Variants in GRPR observed in about 807,000 individuals in gnomAD.
GRPR encodes the protein gastrin-releasing peptide receptor.
A neutral mutation model predicts 15.6 loss-of-function variants in GRPR; 4 were observed. That is an observed-to-expected ratio of 0.26 (90% CI 0.13 to 0.59). GRPR has a LOEUF of 0.59. Ranked by LOEUF, GRPR falls within the 20% of genes least tolerant of loss-of-function variation. GRPR has a pLI of 0.90. For missense variants in GRPR, 270 were observed against 304.1 expected, an observed-to-expected ratio of 0.89 and a Z score of 0.83; for synonymous variants, 128 against 126.8, an observed-to-expected ratio of 1.01 and a Z score of -0.06.
rs549491297 is a variant in GRPR, at chrX:16,131,773, T to A, written c.413+7407T>A. Among the ~76,000 whole-genome samples the A allele has an allele frequency of 3.9e-4, 44 of 112,422 alleles. 1 individual carries two copies. In the South Asian group the frequency reaches 0.016, roughly 42 times the overall value. The stretch of plus-strand genomic sequence containing the variant: ...CATTTCTTTTTATTGCTGAGAAGGA[T>A]TCCATTGTATGGATATTCCACATTT... On this transcript the variant is annotated intron_variant, in intron 1 of 2. Transcript: ENST00000380289.
rs1246452682 is a variant in GRPR at position 16,152,272 on chromosome X, G to A, written c.782G>A (p.Arg261Gln). 8 of 1,205,653 alleles carry A rather than the reference G, an allele frequency of 6.6e-6. No homozygotes were observed. Among genetic ancestry groups the A allele is most frequent in the Admixed American group, 2.2e-5 (1 of 45,660 alleles). ...HVKKQIESRKRLAKTVLVFVG... is the reference protein window; with the variant it reads ...HVKKQIESRKQLAKTVLVFVG... The stretch of plus-strand genomic sequence containing the variant: ...TCTCCTTAGATTGAATCCCGGAAGC[G>A]ACTTGCCAAGACAGTGCTGGTGTTT... The change falls in exon 3 of 3, where the codon CGA becomes CAA. Residue 261 changes from arginine (R) to glutamine (Q), a missense_variant. Transcript: ENST00000380289.
intron 1 of GRPR, among the ~76,000 whole-genome samples, chrX:16,142,755 C>A (rs1421992048): frequency 9.0e-6 from 1 of 110,633 alleles, no homozygotes; most frequent in East Asian, 2.8e-4. Context: ...GCCCCCACTC[C>A]CCCTCCAACT....
At chrX:16,152,211 T>C (rs1922719115) in intron 2 of GRPR, 45 bp from the exon 3 acceptor site, 1 of 1,090,773 alleles carries the variant, frequency 9.2e-7, no homozygotes, top group African/African-American at 1.8e-5. Context: ...CTTCTGACAC[T>C]GTCCCTTGGT....
intron 1 of GRPR, among the ~76,000 whole-genome samples, chrX:16,134,205 T>A: frequency 8.9e-6 from 1 of 111,775 alleles, no homozygotes; most frequent in South Asian, 3.7e-4. Flanking sequence ...TTCCTCACTG[T>A]ACTTCAGTCT....
chrX:16,146,123 G>A (rs1922601642), intron 1 of GRPR, among the ~76,000 whole-genome samples: 1 of 111,917 alleles, frequency 8.9e-6, no homozygotes, highest in African/African-American at 3.2e-5. Flanking sequence ...ATGAAAAGTG[G>A]ACAGCTCTTT....
At chrX:16,144,462 T>C (rs1922575473) in intron 1 of GRPR, among the ~76,000 whole-genome samples, 1 of 111,907 alleles carries the variant, frequency 8.9e-6, no homozygotes, top group African/African-American at 3.2e-5. Flanking sequence ...TTAAAAATAT[T>C]GTAGTGCAAC....
intron 1 of GRPR, among the ~76,000 whole-genome samples, chrX:16,144,780 A>G (rs1192634617): frequency 8.9e-6 from 1 of 112,150 alleles, no homozygotes; most frequent in Non-Finnish European, 1.9e-5. Flanking sequence ...TTGTCAGTCT[A>G]TTGAAGAATG....
Position 16,153,217 on chromosome X carries a change from G to A in GRPR, c.*572G>A, listed in dbSNP as rs10521655. The A allele has an allele frequency of 0.24, 27,573 of 113,246 alleles. 3,114 individuals carry two copies. The highest frequency in any genetic ancestry group is 0.35 in the Non-Finnish European group (18,968 of 54,133). 9.3% of individuals were successfully genotyped at this position (113,246 alleles called of 1,213,427 possible). ...TCTCCAAGTTGATAACAATGGAAGC[G>A]AGTTTAATATAAAACAATTCCCTAA... On this transcript the variant is annotated 3_prime_UTR_variant, in exon 3 of 3. Transcript: ENST00000380289.
At position 16,152,817 on chromosome X, in the gene GRPR, G is replaced by A; in HGVS notation, c.*172G>A. ...GGATCACCATTATATTTTGAAAGAA[G>A]CCATCAAGTCTTAAGTTTTTCATTT... is the stretch of plus-strand genomic sequence containing the variant. On this transcript the variant is annotated 3_prime_UTR_variant, in exon 3 of 3. Coordinates refer to ENST00000380289, the MANE Select transcript of GRPR (RefSeq NM_005314.3). 1 of 465,795 alleles carries A rather than the reference G, an allele frequency of 2.1e-6. No individual in the cohort carries two copies. Among genetic ancestry groups the A allele is most frequent in the Non-Finnish European group, 3.8e-6 (1 of 266,077 alleles). The allele number at this position is 465,795 out of a possible 1,213,427, so 38.4% of individuals were successfully genotyped here. A position where few individuals can be genotyped will look rare whatever the true frequency, so the allele number is the denominator to read the frequency against.
rs1317847533 is a variant in GRPR, at chrX:16,138,018, G to A, written c.414-12287G>A. On this transcript the variant is annotated intron_variant, in intron 1 of 2. Coordinates refer to ENST00000380289, the MANE Select transcript of GRPR (RefSeq NM_005314.3). The stretch of plus-strand genomic sequence containing the variant: ...ATGGAATGAACATAAATGTCACTGA[G>A]TGTCCAGAGCTTATGCTTTGTTTAA... Among the ~76,000 whole-genome samples the A allele has an allele frequency of 2.7e-4, 30 of 111,981 alleles. No individual in the cohort carries two copies. In the Admixed American group the frequency reaches 2.8e-3, roughly 11 times the overall value.
chrX:16,151,412 A>C, intron 2 of GRPR, among the ~76,000 whole-genome samples: 1 of 102,649 alleles, frequency 9.7e-6, no homozygotes, highest in Non-Finnish European at 2.0e-5. Context: ...TGTAGCATCT[A>C]TGATGGAAAA....
At chrX:16,141,020 C>T (rs1428882968) in intron 1 of GRPR, among the ~76,000 whole-genome samples, 3 of 111,915 alleles carry the variant, frequency 2.7e-5, no homozygotes, top group African/African-American at 9.8e-5. Flanking sequence ...AAATGTTTTT[C>T]AAACATTTTG....
chrX:16,140,428 G>A (rs182809122), intron 1 of GRPR, among the ~76,000 whole-genome samples: 11 of 111,557 alleles, frequency 9.9e-5, no homozygotes, highest in African/African-American at 2.3e-4. Context: ...TAAACTGACC[G>A]GATCAGGAGA....
chrX:16,126,594 C>T (rs1922295993), intron 1 of GRPR, among the ~76,000 whole-genome samples: 1 of 111,881 alleles, frequency 8.9e-6, no homozygotes, highest in African/African-American at 3.2e-5. Flanking sequence ...ATGCCCTTTC[C>T]TAGTTAATAC....
chrX:16,153,249 A>T lies in GRPR; in HGVS notation c.*604A>T, dbSNP rs917492066. The T allele has an allele frequency of 8.9e-6, 1 of 112,513 alleles. No individual in the cohort carries two copies. Among genetic ancestry groups the T allele is most frequent in the Admixed American group, 9.3e-5 (1 of 10,779 alleles). The allele number at this position is 112,513 out of a possible 1,213,427, so 9.3% of individuals were successfully genotyped here. A position where few individuals can be genotyped will look rare whatever the true frequency, so the allele number is the denominator to read the frequency against. On this transcript the variant is annotated 3_prime_UTR_variant, in exon 3 of 3. Coordinates refer to ENST00000380289, the MANE Select transcript of GRPR (RefSeq NM_005314.3). ...ATATAAAACAATTCCCTAAGCATTT[A>T]TTTTTTTTTTAAAAAGATGTTACTG... is the stretch of plus-strand genomic sequence containing the variant.
At chrX:16,143,527 C>G (rs1922560010) in intron 1 of GRPR, among the ~76,000 whole-genome samples, 1 of 112,509 alleles carries the variant, frequency 8.9e-6, no homozygotes, top group Admixed American at 9.4e-5. Context: ...ACCCAAAGTT[C>G]TAGAACCTCC....
Position 16,123,664 on chromosome X carries a change from T to C in GRPR, c.-290T>C. The C allele has an allele frequency of 3.3e-6, 1 of 307,164 alleles. No homozygotes were observed. The highest frequency in any genetic ancestry group is 5.7e-5 in the South Asian group (1 of 17,553). The allele number at this position is 307,164 out of a possible 1,213,427, so 25.3% of individuals were successfully genotyped here. On this transcript the variant is annotated 5_prime_UTR_variant, in exon 1 of 3. The change abolishes an upstream ATG in the 5' untranslated region. Transcript: ENST00000380289. Reference sequence around the variant, plus strand: ...CTAGAATGGAGGTAGAAAGAACTGATGCAGAGTGGGTTTAATTCTAAGCCT... The same window carrying C: ...CTAGAATGGAGGTAGAAAGAACTGACGCAGAGTGGGTTTAATTCTAAGCCT...
chrX:16,139,776 C>T (rs746846180), intron 1 of GRPR, among the ~76,000 whole-genome samples: 27 of 111,372 alleles, frequency 2.4e-4, no homozygotes, highest in Non-Finnish European at 5.1e-4. Context: ...GCTGTATGAC[C>T]GTGAACAAGT....
chrX:16,131,441 C>A (rs1057416640), intron 1 of GRPR, among the ~76,000 whole-genome samples: 1 of 111,718 alleles, frequency 9.0e-6, no homozygotes, highest in Non-Finnish European at 1.9e-5. Flanking sequence ...CCAATACTAC[C>A]CCATAATCCA....
Sources: gnomAD v4.1 joint callset for allele counts (sites outside exome capture counted in the v4.1 genomes callset) on GRCh38, gnomAD v4.1.1 for gene constraint, MANE v1.5 for transcripts, NCBI Gene and HGNC (gene_info 2026-07-23, HGNC 2026-07-21) for gene names.